Variants in R3HDM1 observed in about 807,000 individuals in gnomAD.
The protein encoded by R3HDM1 is R3H domain containing 1.
Under a neutral mutation model 141.1 loss-of-function variants are expected in R3HDM1, and 46 were observed. The observed-to-expected ratio is 0.33, with a 90% CI of 0.26 to 0.42. The LOEUF (loss-of-function observed/expected upper bound fraction) is 0.42, where lower values mean the gene tolerates loss of function less well. R3HDM1 is among the 10% of genes least tolerant of loss of function. The pLI is 1.00. For missense variants in R3HDM1, 1,184 were observed against 1,368.3 expected (o/e 0.87, Z 2.12); for synonymous variants, 435 against 472.9 (o/e 0.92, Z 1.04).
chr2:135,637,411 A>G (rs938306232), intron 11 of R3HDM1, among the ~76,000 whole-genome samples: 1 of 152,124 alleles, frequency 6.6e-6, no homozygotes, highest in Non-Finnish European at 1.5e-5. Flanking sequence ...TCCCACCACT[A>G]TGGGAGCACT....
intron 2 of R3HDM1, among the ~76,000 whole-genome samples, chr2:135,603,328 A>G (rs1001649129): frequency 5.3e-5 from 8 of 152,152 alleles, no homozygotes; most frequent in African/African-American, 1.9e-4. Context: ...CTTTCAGGAA[A>G]TGAACTTTTG....
chr2:135,698,718 T>A (rs187237612), intron 21 of R3HDM1, among the ~76,000 whole-genome samples: 100 of 152,160 alleles, frequency 6.6e-4, no homozygotes, highest in Middle Eastern at 3.4e-3. Flanking sequence ...GAAACTTCAA[T>A]TATGGCAGAA....
Position 135,621,523 on chromosome 2 carries a change from A to G in R3HDM1, c.333A>G (p.Ser111=). 1.3e-6 allele frequency: 2 copies of G among 1,594,862 alleles called. No homozygotes were observed. Among genetic ancestry groups the G allele is most frequent in the Non-Finnish European group, 1.7e-6 (2 of 1,172,072 alleles). Reference sequence around the variant, plus strand: ...AAATTCAGATCCAGTTAACACAATCATTTGAGAAAGAAGAGAAGCCCTCAA... The same window carrying G: ...AAATTCAGATCCAGTTAACACAATCGTTTGAGAAAGAAGAGAAGCCCTCAA... ...QEKIQIQLTQ[S]FEKEEKPSKD... is the part of the protein sequence containing the mutation. The change falls in exon 6 of 27, where the codon TCA becomes TCG. Residue 111 remains serine (S), a synonymous_variant. Coordinates refer to ENST00000683871, the MANE Select transcript of R3HDM1 (RefSeq NM_001378107.1).
chr2:135,705,009 G>A (rs1447285831), intron 21 of R3HDM1, among the ~76,000 whole-genome samples: 1 of 152,130 alleles, frequency 6.6e-6, no homozygotes, highest in East Asian at 1.9e-4. Flanking sequence ...GGAATTAGTA[G>A]GTTAAAGGAT....
chr2:135,651,409 C>A, intron 17 of R3HDM1: 1 of 979,952 alleles, frequency 1.0e-6, no homozygotes, highest in Non-Finnish European at 1.2e-6. Flanking sequence ...GCCAATTTCA[C>A]TTCTACATTC....
intron 21 of R3HDM1, among the ~76,000 whole-genome samples, chr2:135,691,471 G>C (rs2072366013): frequency 6.6e-6 from 1 of 151,772 alleles, no homozygotes; most frequent in Admixed American, 6.6e-5. Context: ...AAAATTAGCT[G>C]GGCGTGGTAG....
At chr2:135,597,733 C>T (rs961336788) in intron 1 of R3HDM1, among the ~76,000 whole-genome samples, 24 of 152,116 alleles carry the variant, frequency 1.6e-4, no homozygotes, top group Admixed American at 1.3e-4. Context: ...GTTCAGATAA[C>T]ATCAATAATG....
intron 1 of R3HDM1, chr2:135,533,843 A>G (rs937237875): frequency 6.1e-5 from 18 of 295,594 alleles, no homozygotes; most frequent in African/African-American, 3.4e-4. Context: ...ATTGAACTCC[A>G]GTCTGGGCAA....
At chr2:135,607,399 TA>T (rs2060170986) in intron 3 of R3HDM1, 13 of 925,464 alleles carry the variant, frequency 1.4e-5, no homozygotes, top group Middle Eastern at 5.6e-4. Context: ...CCTCCAGCTA[TA>T]AAAAAAGCAT....
intron 5 of R3HDM1, among the ~76,000 whole-genome samples, chr2:135,617,213 G>A (rs1202134487): frequency 6.6e-6 from 1 of 151,974 alleles, no homozygotes; most frequent in Non-Finnish European, 1.5e-5. Context: ...TGTAGTCCCA[G>A]CTACTCGGGA....
At chr2:135,711,154 C>G (rs1281455654) in intron 23 of R3HDM1, among the ~76,000 whole-genome samples, 1 of 152,178 alleles carries the variant, frequency 6.6e-6, no homozygotes, top group East Asian at 1.9e-4. Context: ...ATTCAAGCCT[C>G]TAACCCTAGC....
intron 3 of R3HDM1, among the ~76,000 whole-genome samples, chr2:135,615,781 C>G (rs1186639903): frequency 6.6e-6 from 1 of 152,088 alleles, no homozygotes; most frequent in Non-Finnish European, 1.5e-5. Flanking sequence ...TGTGTGTGTT[C>G]TTTTTCCTTA....
chr2:135,659,987 A>G lies in R3HDM1; in HGVS notation c.2029-1283A>G, dbSNP rs551750527. Among the ~76,000 whole-genome samples, 25 of 152,326 alleles carry G rather than the reference A, an allele frequency of 1.6e-4. No individual in the cohort carries two copies. The East Asian group carries it at 4.6e-3, about 28-fold the overall frequency. The stretch of plus-strand genomic sequence containing the variant: ...ATATATGCAATCTATCATTGACCAA[A>G]ATGTCACTTTGTGATACATGACTGT... On this transcript the variant is annotated intron_variant, in intron 18 of 26. Coordinates refer to ENST00000683871, the MANE Select transcript of R3HDM1 (RefSeq NM_001378107.1).
chr2:135,556,915 A>G (rs573513114), intron 1 of R3HDM1, among the ~76,000 whole-genome samples: 1 of 152,300 alleles, frequency 6.6e-6, no homozygotes, highest in Non-Finnish European at 1.5e-5. Context: ...TTACAACTTT[A>G]TCAGCTACCT....
At chr2:135,639,220 T>C (rs1005303634) in intron 14 of R3HDM1, 98 bp downstream of exon 14, 7 of 1,203,710 alleles carry the variant, frequency 5.8e-6, no homozygotes, top group Non-Finnish European at 8.2e-6. Flanking sequence ...TATCCTAAAA[T>C]ATAAAATCAC....
At position 135,675,479 on chromosome 2, in the gene R3HDM1, C is replaced by G; in HGVS notation, c.2300C>G (p.Thr767Arg). The change falls in exon 20 of 27, where the codon ACA becomes AGA. Residue 767 changes from threonine (T) to arginine (R), a missense_variant. Physicochemically the swap from Thr to Arg is moderately conservative, Grantham distance 71. Around this residue, in one of 5 missense-constraint regions of R3HDM1, gnomAD observed 563 missense variants for 562.0 expected, o/e 1.00. Transcript: ENST00000683871. The part of the protein sequence containing the change: ...GVVIPYTSVP[T>R]YQVSLPQGSQ... ...GTCATCCCCTATACTTCAGTGCCAACATATCAGGTATATTGTCTCTTTTAT... is the reference window on the plus strand; with the variant it reads ...GTCATCCCCTATACTTCAGTGCCAAGATATCAGGTATATTGTCTCTTTTAT... 6.2e-7 allele frequency: 1 copy of G among 1,612,600 alleles called. No individual in the cohort carries two copies. The highest frequency in any genetic ancestry group is 8.5e-7 in the Non-Finnish European group (1 of 1,179,020).
chr2:135,536,986 C>CATCT (rs59281140), intron 1 of R3HDM1, among the ~76,000 whole-genome samples: 11,764 of 152,084 alleles, frequency 0.077, 1,502 homozygotes, highest in African/African-American at 0.27. Context: ...CCGCCTGCAC[C>CATCT]ATCTGGGGAA....
intron 1 of R3HDM1, among the ~76,000 whole-genome samples, chr2:135,579,601 G>C (rs12478000): frequency 0.023 from 3,272 of 139,322 alleles, 76 homozygotes; most frequent in Admixed American, 0.052. Context: ...GTGGCGGGGG[G>C]GGGTGGAAAT....
rs77106669 is a variant in R3HDM1, at chr2:135,657,634, C to T, written c.2029-3636C>T. On this transcript the variant is annotated intron_variant, in intron 18 of 26. Transcript: ENST00000683871. ...CTGGTTTTCAGATGAGATGAGCACT[C>T]TTTAAAATCTCCACAGATCTCTGTT... Among the ~76,000 whole-genome samples, 424 of 152,174 alleles carry T rather than the reference C, an allele frequency of 2.8e-3. 20 individuals carry two copies. In the East Asian group the frequency reaches 0.074, roughly 27 times the overall value.
Sources: allele counts gnomAD v4.1 joint callset (sites outside exome capture counted in the v4.1 genomes callset), GRCh38; gene constraint gnomAD v4.1.1; regional missense constraint gnomAD v4.1.1; transcripts MANE v1.5; gene names NCBI Gene and HGNC (gene_info 2026-07-23, HGNC 2026-07-21).